SV2C: variants seen among roughly 807,000 people sequenced by gnomAD.
SV2C encodes solute carrier family 22 member B3.
SV2C carries 49 observed loss-of-function variants against 79.7 expected under a neutral mutation model. That is an observed-to-expected ratio of 0.61 (90% CI 0.49 to 0.78). SV2C has a LOEUF of 0.78. SV2C is among the 30% of genes least tolerant of loss of function. SV2C has a pLI of 0.00. For synonymous variants in SV2C, 334 were observed against 333.2 expected (o/e 1.00, Z -0.03); for missense variants, 833 against 912.9 (o/e 0.91, Z 1.13).
chr5:76,298,888 A>G lies in SV2C; in HGVS notation c.1597A>G (p.Lys533Glu), dbSNP rs1747876852. ...TGTAACTTCAGTGAACACCTACTTC[A>G]AGAACTGCACATTTATTGACACTGT... ...EDVTSVNTYF[K>E]NCTFIDTVFD... Residue 533 changes from lysine to glutamate, a missense_variant, in exon 10 of 13, where the codon AAG (lysine) becomes GAG (glutamate). Coordinates refer to ENST00000502798, the MANE Select transcript of SV2C (RefSeq NM_014979.4). 4 of 1,613,960 alleles carry G rather than the reference A, an allele frequency of 2.5e-6. No homozygotes were observed. In the East Asian group the frequency reaches 8.9e-5, roughly 36 times the overall value.
chr5:76,127,899 C>T (rs1351977058), intron 1 of SV2C, among the ~76,000 whole-genome samples: 1 of 152,124 alleles, frequency 6.6e-6, no homozygotes, highest in African/African-American at 2.4e-5. Context: ...CTAAAATTGC[C>T]GCCCTGCTTC....
chr5:76,073,495 ATG>A, the SV2C span, among the ~76,000 whole-genome samples: 1,854 of 97,272 alleles, frequency 0.019, 50 homozygotes, highest in African/African-American at 0.039. Flanking sequence ...TGTGGTATGT[ATG>A]TGTGTGTATA....
At chr5:76,252,148 C>A (rs1379938739) in intron 4 of SV2C, among the ~76,000 whole-genome samples, 1 of 152,162 alleles carries the variant, frequency 6.6e-6, no homozygotes, top group Non-Finnish European at 1.5e-5. Context: ...GAGACAGAAT[C>A]TCACTTTGTC....
At chr5:75,849,634 T>C in the SV2C span, among the ~76,000 whole-genome samples, 1 of 152,256 alleles carries the variant, frequency 6.6e-6, no homozygotes, top group Admixed American at 6.5e-5. Context: ...ACTGAATTTT[T>C]CTCTATTAAA....
the SV2C span, among the ~76,000 whole-genome samples, chr5:75,872,813 G>A: frequency 1.3e-5 from 2 of 151,960 alleles, no homozygotes; most frequent in Admixed American, 1.3e-4. Context: ...AATGCTAAAT[G>A]ACGAGTTAAT....
chr5:75,935,821 G>A, the SV2C span, among the ~76,000 whole-genome samples: 1 of 152,232 alleles, frequency 6.6e-6, no homozygotes, highest in East Asian at 1.9e-4. Flanking sequence ...GGAAGTAAAA[G>A]GATTCATAGC....
the SV2C span, among the ~76,000 whole-genome samples, chr5:75,950,208 G>A: frequency 6.6e-6 from 1 of 152,030 alleles, no homozygotes; most frequent in Non-Finnish European, 1.5e-5. Context: ...ACTTATGCTT[G>A]ATCTTATGGA....
At chr5:76,297,848 A>G (rs1289798972) in intron 9 of SV2C, among the ~76,000 whole-genome samples, 2 of 152,142 alleles carry the variant, frequency 1.3e-5, no homozygotes, top group Non-Finnish European at 2.9e-5. Flanking sequence ...TCTGCCCCTA[A>G]TAAGAGTGGT....
chr5:76,169,337 C>A (rs973438353), intron 2 of SV2C, among the ~76,000 whole-genome samples: 2 of 152,136 alleles, frequency 1.3e-5, no homozygotes, highest in African/African-American at 4.8e-5. Context: ...GGGCTCAGAT[C>A]TGTATGACTA....
chr5:75,896,268 A>G, the SV2C span, among the ~76,000 whole-genome samples: 37 of 135,226 alleles, frequency 2.7e-4, 1 homozygote, highest in African/African-American at 9.7e-4. Flanking sequence ...CTGTGTCCAT[A>G]TGTTCTCATT....
At chr5:76,290,090 A>C (rs1450897931) in intron 6 of SV2C, among the ~76,000 whole-genome samples, 1 of 106,990 alleles carries the variant, frequency 9.3e-6, no homozygotes, top group African/African-American at 4.6e-5. Context: ...AAAAGAAAAG[A>C]AAAAAAAACT....
intron 6 of SV2C, among the ~76,000 whole-genome samples, chr5:76,288,083 C>CAAAA (rs36124813): frequency 1.2e-5 from 1 of 82,580 alleles, no homozygotes; most frequent in Admixed American, 1.3e-4. Flanking sequence ...GACTCCATCT[C>CAAAA]AAAAAAAAAA....
chr5:76,038,813 AT>A, the SV2C span, among the ~76,000 whole-genome samples: 1 of 152,236 alleles, frequency 6.6e-6, no homozygotes, highest in Non-Finnish European at 1.5e-5. Flanking sequence ...AACATCAATC[AT>A]TGCTTCTTTG....
chr5:76,082,893 C>A (rs1747041312), upstream of SV2C, among the ~76,000 whole-genome samples: 1 of 152,188 alleles, frequency 6.6e-6, no homozygotes, highest in South Asian at 2.1e-4. Context: ...ACAAGTCAGT[C>A]CCAGGCCCGG....
chr5:76,062,311 G>A, the SV2C span, among the ~76,000 whole-genome samples: 1 of 152,014 alleles, frequency 6.6e-6, no homozygotes, highest in Non-Finnish European at 1.5e-5. Flanking sequence ...AATGGGATTA[G>A]GTGCTCTTAT....
At chr5:75,915,113 C>A in the SV2C span, among the ~76,000 whole-genome samples, 1 of 152,184 alleles carries the variant, frequency 6.6e-6, no homozygotes, top group Admixed American at 6.5e-5. Flanking sequence ...CCTCTTACAA[C>A]ACATGGGAAT....
the SV2C span, among the ~76,000 whole-genome samples, chr5:76,004,215 A>T: frequency 2.0e-5 from 3 of 152,158 alleles, no homozygotes; most frequent in African/African-American, 4.8e-5. Context: ...ATGGTTAAGG[A>T]TCTCTGGGCT....
At chr5:76,324,625 C>G (rs150468501) in intron 12 of SV2C, among the ~76,000 whole-genome samples, 1 of 152,136 alleles carries the variant, frequency 6.6e-6, no homozygotes, top group African/African-American at 2.4e-5. Context: ...AAGAGGATTG[C>G]TTAAGCCCAG....
chr5:76,054,574 C>T, the SV2C span, among the ~76,000 whole-genome samples: 1 of 152,212 alleles, frequency 6.6e-6, no homozygotes, highest in Non-Finnish European at 1.5e-5. Context: ...GCCACACTGA[C>T]TTCCACAATG....
Sources: gnomAD v4.1 joint callset for allele counts (sites outside exome capture counted in the v4.1 genomes callset) on GRCh38, gnomAD v4.1.1 for gene constraint, MANE v1.5 for transcripts, NCBI Gene and HGNC (gene_info 2026-07-23, HGNC 2026-07-21) for gene names.